Variants in NHEJ1 observed in about 807,000 individuals in gnomAD.
NHEJ1 encodes the protein non-homologous end joining factor 1.
In NHEJ1, 22 loss-of-function variants were observed where a neutral mutation model predicts 39.4. The observed-to-expected ratio is 0.56, with a 90% CI of 0.40 to 0.80. NHEJ1 has a LOEUF of 0.80. Ranked by LOEUF, NHEJ1 falls within the 30% of genes least tolerant of loss-of-function variation. The pLI, the probability that NHEJ1 is intolerant of heterozygous loss-of-function variation, is 0.00. For missense variants in NHEJ1, 329 were observed against 357.1 expected (o/e 0.92, Z 0.63); for synonymous variants, 154 against 135.6 (o/e 1.14, Z -0.94).
chr2:219,155,922 C>CA (rs560349283), intron 3 of NHEJ1, among the ~76,000 whole-genome samples: 28 of 134,692 alleles, frequency 2.1e-4, no homozygotes, highest in South Asian at 1.7e-3. Flanking sequence ...GACTCCGTCT[C>CA]AAAAAAAAAC....
intron 1 of NHEJ1, among the ~76,000 whole-genome samples, chr2:219,160,174 C>T (rs935561268): frequency 2.0e-5 from 3 of 152,178 alleles, no homozygotes; most frequent in East Asian, 3.9e-4. Context: ...CGGAGGGGTC[C>T]CTTGAGAACC....
intron 5 of NHEJ1, among the ~76,000 whole-genome samples, chr2:219,133,858 A>C (rs994394432): frequency 1.3e-5 from 2 of 152,176 alleles, no homozygotes; most frequent in Admixed American, 6.5e-5. Context: ...CCACAGAAAG[A>C]ACTAATCCTT....
chr2:219,147,914 TAGGCAA>T, intron 3 of NHEJ1, 119 bp from the exon 4 acceptor site: 1 of 987,264 alleles, frequency 1.0e-6, no homozygotes, highest in Non-Finnish European at 1.5e-6. Flanking sequence ...TATAGTTTCA[TAGGCAA>T]GTAACCCATT....
In NHEJ1 at chr2:219,145,448, GC is replaced by G. The variant is rs1949727133; in HGVS notation, c.588+1231del. 1.1e-4 allele frequency among the ~76,000 whole-genome samples: 16 copies of G among 152,172 alleles called. 1 individual carries two copies. The highest frequency in any genetic ancestry group is 9.2e-4 in the Admixed American group (14 of 15,278). On this transcript the variant is annotated intron_variant, in intron 5 of 7. Coordinates refer to ENST00000356853, the MANE Select transcript of NHEJ1 (RefSeq NM_024782.3). ...TCCAAATAAAGAATACCTGCTTTAT[GC>G]CTAGCCCTTTAAAAAGTGCTAATTT... is the stretch of plus-strand genomic sequence containing the variant.
At position 219,154,396 on chromosome 2, in the gene NHEJ1, G is replaced by A. The variant is rs373875270; in HGVS notation, c.390+3076C>T. Among the ~76,000 whole-genome samples the A allele has an allele frequency of 7.2e-5, 11 of 152,254 alleles. No homozygotes were observed. In the East Asian group the frequency reaches 1.5e-3, roughly 21 times the overall value. On this transcript the variant is annotated intron_variant, in intron 3 of 7. Coordinates refer to ENST00000356853, the MANE Select transcript of NHEJ1 (RefSeq NM_024782.3). ...TTGCAAAAGGAAAAGGAGGGACTAG[G>A]GAACGGGGTAGAAAGATCTATTTTT... is the stretch of plus-strand genomic sequence containing the variant.
intron 3 of NHEJ1, among the ~76,000 whole-genome samples, chr2:219,154,896 T>G (rs1237642500): frequency 6.8e-6 from 1 of 147,392 alleles, no homozygotes; most frequent in East Asian, 1.9e-4. Context: ...ATACATTATA[T>G]TATACCATTA....
intron 1 of NHEJ1, among the ~76,000 whole-genome samples, chr2:219,158,571 G>A (rs950996668): frequency 3.3e-5 from 5 of 151,950 alleles, no homozygotes; most frequent in African/African-American, 1.2e-4. Flanking sequence ...AAATCTTGAG[G>A]GTTTTTTTTT....
At position 219,085,114 on chromosome 2, in the gene NHEJ1, T is replaced by C. The variant is rs185177106; in HGVS notation, c.589-6908A>G. 2.6e-5 allele frequency among the ~76,000 whole-genome samples: 4 copies of C among 152,358 alleles called. No individual in the cohort carries two copies. The East Asian group carries it at 5.8e-4, about 22-fold the overall frequency. On this transcript the variant is annotated intron_variant, in intron 5 of 7. Coordinates refer to ENST00000356853, the MANE Select transcript of NHEJ1 (RefSeq NM_024782.3). The stretch of plus-strand genomic sequence containing the variant: ...AACACAAAAATATGACCTGCAGATA[T>C]AGGCCATAAAAATAGCTAACAGTCA...
intron 5 of NHEJ1, among the ~76,000 whole-genome samples, chr2:219,104,158 G>C (rs1949293011): frequency 6.6e-6 from 1 of 152,060 alleles, no homozygotes; most frequent in African/African-American, 2.4e-5. Flanking sequence ...CATGAATCCA[G>C]GAGCATCCTA....
intron 5 of NHEJ1, among the ~76,000 whole-genome samples, chr2:219,143,653 T>C (rs1373691394): frequency 6.6e-6 from 1 of 152,164 alleles, no homozygotes; most frequent in Non-Finnish European, 1.5e-5. Flanking sequence ...TATAATAAAA[T>C]TCTACAAGTC....
chr2:219,098,112 C>T (rs979297334), intron 5 of NHEJ1, among the ~76,000 whole-genome samples: 8 of 152,222 alleles, frequency 5.3e-5, no homozygotes, highest in Middle Eastern at 6.9e-3. Flanking sequence ...GATTTTGCAA[C>T]GAAAAAGTCA....
chr2:219,136,099 GAT>G (rs1262464495), intron 5 of NHEJ1, among the ~76,000 whole-genome samples: 11 of 152,154 alleles, frequency 7.2e-5, no homozygotes, highest in African/African-American at 2.7e-4. Flanking sequence ...GGCCCCTGCA[GAT>G]ATCTGATTTT....
chr2:219,082,854 C>T (rs1438475972), intron 5 of NHEJ1, among the ~76,000 whole-genome samples: 2 of 152,242 alleles, frequency 1.3e-5, no homozygotes, highest in African/African-American at 4.8e-5. Context: ...ATACAAACTT[C>T]CTTCCCTTGG....
chr2:219,107,970 G>A (rs1949329449), intron 5 of NHEJ1, among the ~76,000 whole-genome samples: 1 of 151,234 alleles, frequency 6.6e-6, no homozygotes. Context: ...CACTTGAAAC[G>A]CGGCTAGTCT....
rs1416965357 is a variant in NHEJ1, at chr2:219,070,231, G to T, written c.*6150C>A. ...AGATGGAGTCTTGCTCTGTCGCCCA[G>T]GGTGGAGTGCAGTGGCACGATCTCA... On this transcript the variant is annotated 3_prime_UTR_variant, in exon 8 of 8. Coordinates refer to ENST00000356853, the MANE Select transcript of NHEJ1 (RefSeq NM_024782.3). Among the ~76,000 whole-genome samples, 2 of 152,150 alleles carry T rather than the reference G, an allele frequency of 1.3e-5. No individual in the cohort carries two copies. Among genetic ancestry groups the T allele is most frequent in the Non-Finnish European group, 2.9e-5 (2 of 68,018 alleles).
chr2:219,119,099 G>A (rs774953741), intron 5 of NHEJ1, among the ~76,000 whole-genome samples: 6 of 152,000 alleles, frequency 3.9e-5, no homozygotes, highest in African/African-American at 7.3e-5. Context: ...TAAATTAGTC[G>A]AGGAGCCGAT....
chr2:219,146,964 G>C (rs979784038), intron 4 of NHEJ1, among the ~76,000 whole-genome samples: 3 of 152,144 alleles, frequency 2.0e-5, no homozygotes, highest in African/African-American at 7.2e-5. Flanking sequence ...TCTGCTCTAG[G>C]AGTTTTTCCT....
At chr2:219,117,220 C>T (rs1389506389) in intron 5 of NHEJ1, among the ~76,000 whole-genome samples, 2 of 152,164 alleles carry the variant, frequency 1.3e-5, no homozygotes, top group Admixed American at 1.3e-4. Flanking sequence ...CACGGTAACC[C>T]TTCTCCACCC....
intron 5 of NHEJ1, among the ~76,000 whole-genome samples, chr2:219,132,201 A>C (rs915658646): frequency 3.3e-5 from 5 of 152,210 alleles, no homozygotes; most frequent in African/African-American, 1.2e-4. Context: ...TTTCATGAGC[A>C]ATGTATTTAT....
Sources: allele counts gnomAD v4.1 joint callset (sites outside exome capture counted in the v4.1 genomes callset), GRCh38; gene constraint gnomAD v4.1.1; transcripts MANE v1.5; gene names NCBI Gene and HGNC (gene_info 2026-07-23, HGNC 2026-07-21).